The following PRKCE variants were observed in gnomAD, a reference collection of about 807,000 sequenced individuals.
PRKCE encodes the protein protein kinase C epsilon, also known as protein kinase C epsilon type.
A neutral mutation model predicts 85.4 loss-of-function variants in PRKCE; 16 were observed. The ratio of observed to expected loss-of-function variants is 0.19; its 90% CI spans 0.13 to 0.28. The LOEUF (loss-of-function observed/expected upper bound fraction) is 0.28, where lower values mean the gene tolerates loss of function less well. Ranked by LOEUF, PRKCE falls within the 10% of genes least tolerant of loss-of-function variation. The probability of loss-of-function intolerance (pLI) is 1.00; values close to 1 mark genes in which losing one functional copy is unlikely to be tolerated. For missense variants in PRKCE, 573 were observed against 975.2 expected (o/e 0.59, Z 5.49); for synonymous variants, 388 against 371.5 (o/e 1.04, Z -0.51).
chr2:45,859,878 A>G (rs79194893), intron 2 of PRKCE, among the ~76,000 whole-genome samples: 85 of 152,350 alleles, frequency 5.6e-4, no homozygotes, highest in African/African-American at 1.9e-3. Flanking sequence ...GGCAGTGGCA[A>G]AATGAGCTGA....
At chr2:46,173,537 G>A (rs933356978) in intron 14 of PRKCE, among the ~76,000 whole-genome samples, 13 of 152,226 alleles carry the variant, frequency 8.5e-5, no homozygotes, top group South Asian at 2.1e-4. Context: ...AGCAGACAAG[G>A]AACATGTTCC....
intron 2 of PRKCE, among the ~76,000 whole-genome samples, chr2:45,899,236 A>C (rs909610896): frequency 6.6e-6 from 1 of 152,090 alleles, no homozygotes; most frequent in Non-Finnish European, 1.5e-5. Flanking sequence ...AGGTCTGAAA[A>C]CTTTGTCTTT....
At chr2:46,019,456 A>T (rs193065712) in intron 10 of PRKCE, among the ~76,000 whole-genome samples, 60 of 152,326 alleles carry the variant, frequency 3.9e-4, no homozygotes, top group African/African-American at 1.3e-3. Flanking sequence ...GAACTGCAGC[A>T]AGTGGGTAAA....
chr2:45,752,678 T>G (rs1366479965), intron 1 of PRKCE, among the ~76,000 whole-genome samples: 1 of 152,156 alleles, frequency 6.6e-6, no homozygotes, highest in Non-Finnish European at 1.5e-5. Context: ...CAGCATATGC[T>G]GCCCTCCTCT....
chr2:45,769,863 G>C (rs958164585), intron 1 of PRKCE, among the ~76,000 whole-genome samples: 1 of 152,204 alleles, frequency 6.6e-6, no homozygotes, highest in Non-Finnish European at 1.5e-5. Flanking sequence ...AACAGTAGGA[G>C]GTGTGAGGAG....
Position 46,184,636 on chromosome 2 carries a change from C to A in PRKCE, c.2068-99C>A. ...CTGTCTGTTGGTAGCTAGAGGCCTG[C>A]TTTGGTGACAGGCTGGTCAGTGCGG... On this transcript the variant is annotated intron_variant, in intron 14 of 14. Transcript: ENST00000306156. This position sits in a 1 kb window ranked among gnomAD's most constrained non-coding sequence, Gnocchi z 5.0. 6.9e-7 allele frequency: 1 copy of A among 1,457,102 alleles called. No homozygotes were observed. The highest frequency in any genetic ancestry group is 9.2e-7 in the Non-Finnish European group (1 of 1,083,084). 90.3% of individuals were successfully genotyped at this position (1,457,102 alleles called of 1,614,324 possible).
At chr2:45,803,401 A>G (rs1265553002) in intron 1 of PRKCE, among the ~76,000 whole-genome samples, 1 of 152,238 alleles carries the variant, frequency 6.6e-6, no homozygotes, top group Non-Finnish European at 1.5e-5. Flanking sequence ...TGAAGTCTCT[A>G]GTGTTTATTC....
At chr2:46,100,450 G>A (rs1348037550) in intron 11 of PRKCE, among the ~76,000 whole-genome samples, 1 of 152,232 alleles carries the variant, frequency 6.6e-6, no homozygotes, top group Non-Finnish European at 1.5e-5. Context: ...GCAAGGGGCT[G>A]TAACCAACCA....
At chr2:45,773,521 C>G (rs1219980635) in intron 1 of PRKCE, among the ~76,000 whole-genome samples, 2 of 152,184 alleles carry the variant, frequency 1.3e-5, no homozygotes, top group Admixed American at 1.3e-4. Context: ...TTGAGATTCA[C>G]ACCTGCTCTT....
At chr2:45,846,620 G>A (rs1422414336) in intron 2 of PRKCE, among the ~76,000 whole-genome samples, 1 of 152,184 alleles carries the variant, frequency 6.6e-6, no homozygotes, top group East Asian at 1.9e-4. Context: ...CAGGGAACAG[G>A]AGGCACCCTG....
chr2:45,894,830 C>G (rs988970706), intron 2 of PRKCE, among the ~76,000 whole-genome samples: 25 of 152,210 alleles, frequency 1.6e-4, no homozygotes, highest in African/African-American at 6.0e-4. Flanking sequence ...TCAAGCAATT[C>G]TCCTGCCCCA....
intron 1 of PRKCE, among the ~76,000 whole-genome samples, chr2:45,740,307 G>C (rs915383963): frequency 2.6e-5 from 4 of 152,136 alleles, no homozygotes; most frequent in African/African-American, 9.7e-5. Flanking sequence ...TAGGGAATGT[G>C]GGAATCTGGG....
At chr2:45,665,379 T>TA (rs1434186615) in intron 1 of PRKCE, among the ~76,000 whole-genome samples, 3 of 152,030 alleles carry the variant, frequency 2.0e-5, no homozygotes, top group African/African-American at 4.8e-5. Flanking sequence ...TTTGCTAATT[T>TA]AAAAAAAGGG....
chr2:46,143,350 T>A (rs1459108690), intron 11 of PRKCE, among the ~76,000 whole-genome samples: 1 of 152,090 alleles, frequency 6.6e-6, no homozygotes, highest in Non-Finnish European at 1.5e-5. Flanking sequence ...TAGAGGGGCA[T>A]GTGACTCAGT....
chr2:46,143,023 C>T (rs969120074), intron 11 of PRKCE, among the ~76,000 whole-genome samples: 8 of 152,118 alleles, frequency 5.3e-5, no homozygotes, highest in Admixed American at 2.6e-4. Context: ...GGCAGAGGAG[C>T]GCAGCACACA....
At chr2:45,876,954 G>A (rs973970950) in intron 2 of PRKCE, among the ~76,000 whole-genome samples, 2 of 152,036 alleles carry the variant, frequency 1.3e-5, no homozygotes, top group Non-Finnish European at 2.9e-5. Flanking sequence ...TGAAACATGA[G>A]CATTCTTGTT....
At chr2:45,888,378 A>G (rs775323990) in intron 2 of PRKCE, among the ~76,000 whole-genome samples, 8 of 152,030 alleles carry the variant, frequency 5.3e-5, no homozygotes, top group Non-Finnish European at 1.0e-4. Flanking sequence ...ATGTGGATAC[A>G]GCATACAAGG....
chr2:45,814,609 C>A (rs775683589), intron 1 of PRKCE, among the ~76,000 whole-genome samples: 1 of 152,200 alleles, frequency 6.6e-6, no homozygotes, highest in Non-Finnish European at 1.5e-5. Flanking sequence ...CCCTCATCAC[C>A]ACCGATCTGG....
At chr2:45,792,589 T>G (rs1216372187) in intron 1 of PRKCE, among the ~76,000 whole-genome samples, 1 of 152,124 alleles carries the variant, frequency 6.6e-6, no homozygotes, top group East Asian at 1.9e-4. Flanking sequence ...TGCCTGGTGC[T>G]CAAGTTCCTG....
Sources: gnomAD v4.1 joint callset for allele counts (sites outside exome capture counted in the v4.1 genomes callset) on GRCh38, gnomAD v4.1.1 for gene constraint, Gnocchi (gnomAD v3.1) non-coding constraint, MANE v1.5 for transcripts, NCBI Gene and HGNC (gene_info 2026-07-23, HGNC 2026-07-21) for gene names.